Variants in FOXP1 observed in about 807,000 individuals in gnomAD.
FOXP1 encodes the protein forkhead box protein P1.
FOXP1 carries 15 observed loss-of-function variants against 98.2 expected under a neutral mutation model. The ratio of observed to expected loss-of-function variants is 0.15; its 90% CI spans 0.10 to 0.24. The LOEUF is 0.24. Among genes scored for constraint, FOXP1 ranks in the 10% least tolerant of loss-of-function variants. FOXP1 has a pLI of 1.00. For missense variants in FOXP1, 633 were observed against 848.5 expected (o/e 0.75, Z 3.15); for synonymous variants, 371 against 314.5 (o/e 1.18, Z -1.90).
intron 3 of FOXP1, among the ~76,000 whole-genome samples, chr3:71,469,452 G>A (rs745568323): frequency 6.6e-6 from 1 of 152,186 alleles, no homozygotes; most frequent in Non-Finnish European, 1.5e-5. Flanking sequence ...TCACCTTCTT[G>A]TAAAGCCAGT....
At chr3:71,265,858 G>A (rs1020305335) in intron 5 of FOXP1, among the ~76,000 whole-genome samples, 37 of 152,252 alleles carry the variant, frequency 2.4e-4, no homozygotes, top group African/African-American at 6.7e-4. Context: ...GAAAAGTGAA[G>A]GTCACATTTC....
intron 3 of FOXP1, among the ~76,000 whole-genome samples, chr3:71,457,650 C>G (rs749071286): frequency 8.5e-5 from 13 of 152,156 alleles, no homozygotes; most frequent in Non-Finnish European, 1.9e-4. Flanking sequence ...TTTTAGTATA[C>G]TATGTCTCAC....
chr3:71,226,385 C>G (rs2065835266), intron 5 of FOXP1, among the ~76,000 whole-genome samples: 1 of 152,154 alleles, frequency 6.6e-6, no homozygotes, highest in African/African-American at 2.4e-5. Flanking sequence ...ATTGCCTTTT[C>G]AGTTTGGGCT....
chr3:71,145,338 A>G (rs1341907969), intron 6 of FOXP1, among the ~76,000 whole-genome samples: 2 of 151,938 alleles, frequency 1.3e-5, no homozygotes, highest in Non-Finnish European at 2.9e-5. Context: ...GGAGTTAGAG[A>G]CCAGCCTGGC....
At chr3:71,367,025 C>T (rs577324515) in intron 3 of FOXP1, among the ~76,000 whole-genome samples, 1 of 152,168 alleles carries the variant, frequency 6.6e-6, no homozygotes, top group Non-Finnish European at 1.5e-5. Context: ...CTTTTAATAA[C>T]CTCAAACAGT....
At chr3:71,314,082 A>T (rs950178570) in intron 4 of FOXP1, among the ~76,000 whole-genome samples, 1 of 152,100 alleles carries the variant, frequency 6.6e-6, no homozygotes, top group South Asian at 2.1e-4. Context: ...TGTAGAATAA[A>T]TGCATTGACA....
intron 2 of FOXP1, among the ~76,000 whole-genome samples, chr3:71,550,149 T>C (rs2045665442): frequency 1.3e-5 from 2 of 152,194 alleles, no homozygotes; most frequent in South Asian, 4.1e-4. Flanking sequence ...AGCCACATCA[T>C]TGGAGTTGGC....
At chr3:71,522,649 G>A (rs2043079537) in intron 2 of FOXP1, among the ~76,000 whole-genome samples, 1 of 152,218 alleles carries the variant, frequency 6.6e-6, no homozygotes, top group African/African-American at 2.4e-5. Context: ...TCAAGACTGA[G>A]ACCATAACTC....
At chr3:71,263,743 CTT>C (rs36126610) in intron 5 of FOXP1, among the ~76,000 whole-genome samples, 1,534 of 148,148 alleles carry the variant, frequency 0.01, 23 homozygotes, top group African/African-American at 0.036. Context: ...ATCCATATTC[CTT>C]TTTTTTTTTC....
chr3:71,299,656 A>G (rs1170805037), intron 5 of FOXP1, among the ~76,000 whole-genome samples, 164 bp downstream of exon 5: 1 of 152,244 alleles, frequency 6.6e-6, no homozygotes, highest in Non-Finnish European at 1.5e-5. Flanking sequence ...CTTAAGGGCA[A>G]CCATTTTTCT....
chr3:71,352,793 A>T (rs1169897186), intron 4 of FOXP1, among the ~76,000 whole-genome samples: 2 of 152,174 alleles, frequency 1.3e-5, no homozygotes, highest in East Asian at 3.8e-4. Flanking sequence ...TAGATTTTTC[A>T]TGAGTTTAGA....
intron 5 of FOXP1, among the ~76,000 whole-genome samples, chr3:71,208,387 A>G (rs2064203101): frequency 6.6e-6 from 1 of 152,184 alleles, no homozygotes; most frequent in South Asian, 2.1e-4. Flanking sequence ...ACACTAAGGA[A>G]ATCTCTTAGA....
chr3:70,995,586 T>C (rs542390899), intron 13 of FOXP1, among the ~76,000 whole-genome samples: 3 of 152,344 alleles, frequency 2.0e-5, no homozygotes, highest in South Asian at 4.1e-4. Flanking sequence ...TAGGTGTCTA[T>C]GTGTATAGTA....
At chr3:71,224,357 T>TG (rs1487586721) in intron 5 of FOXP1, among the ~76,000 whole-genome samples, 2 of 151,932 alleles carry the variant, frequency 1.3e-5, no homozygotes, top group African/African-American at 4.8e-5. Flanking sequence ...TAGATGGAGT[T>TG]GGGGGTTGCG....
chr3:71,459,108 C>G (rs2087777220), intron 3 of FOXP1, among the ~76,000 whole-genome samples: 1 of 152,076 alleles, frequency 6.6e-6, no homozygotes, highest in Non-Finnish European at 1.5e-5. Context: ...AAATGGGTGA[C>G]TTTTCTTGTC....
At chr3:70,965,857 A>C in intron 20 of FOXP1, 33 bp downstream of exon 20, 1 of 1,609,790 alleles carries the variant, frequency 6.2e-7, no homozygotes, top group Non-Finnish European at 8.5e-7. Flanking sequence ...CTAGGGTCAG[A>C]TAGCAAAGAC....
chr3:71,530,289 T>C (rs567151237), intron 2 of FOXP1, among the ~76,000 whole-genome samples: 47 of 152,228 alleles, frequency 3.1e-4, no homozygotes, highest in African/African-American at 1.0e-3. Context: ...GAGAGTGGGA[T>C]TGCTACAGAA....
At chr3:71,305,560 T>C (rs1411364583) in intron 4 of FOXP1, 1 of 152,218 alleles carries the variant, frequency 6.6e-6, no homozygotes, top group Non-Finnish European at 1.5e-5. Flanking sequence ...GTTTGAAGGC[T>C]TTTAGCAAAC....
chr3:71,063,859 G>T (rs1303507492), intron 7 of FOXP1, among the ~76,000 whole-genome samples: 8 of 152,150 alleles, frequency 5.3e-5, no homozygotes. Flanking sequence ...TCCCAAAGAG[G>T]AAGAGTCTAT....
Sources: gnomAD v4.1 joint callset for allele counts (sites outside exome capture counted in the v4.1 genomes callset) on GRCh38, gnomAD v4.1.1 for gene constraint, MANE v1.5 for transcripts, NCBI Gene and HGNC (gene_info 2026-07-23, HGNC 2026-07-21) for gene names.